Variants in BCAS3 observed in about 807,000 individuals in gnomAD.
The protein encoded by BCAS3 is BCAS3 microtubule associated cell migration factor, also known as BCAS4/BCAS3 fusion.
Under a neutral mutation model 116.1 loss-of-function variants are expected in BCAS3, and 53 were observed. The observed-to-expected ratio is 0.46, with a 90% CI of 0.37 to 0.57. The LOEUF (loss-of-function observed/expected upper bound fraction) is 0.57, where lower values mean the gene tolerates loss of function less well. Ranked by LOEUF, BCAS3 falls within the 20% of genes least tolerant of loss-of-function variation. The pLI, the probability that BCAS3 is intolerant of heterozygous loss-of-function variation, is 0.00. For synonymous variants in BCAS3, 391 were observed against 408.2 expected (o/e 0.96, Z 0.51); for missense variants, 917 against 1,165.4 (o/e 0.79, Z 3.10).
chr17:60,847,876 T>C (rs529575976), intron 7 of BCAS3, among the ~76,000 whole-genome samples: 1 of 152,368 alleles, frequency 6.6e-6, no homozygotes, highest in East Asian at 1.9e-4. Flanking sequence ...CATTCATTTG[T>C]TGCTTATACT....
intron 22 of BCAS3, among the ~76,000 whole-genome samples, chr17:61,185,729 C>T (rs1348446351): frequency 6.6e-6 from 1 of 152,100 alleles, no homozygotes; most frequent in African/African-American, 2.4e-5. Flanking sequence ...AAAAGCATGT[C>T]AAAGCATCTT....
rs1049618753 is a variant in BCAS3, at chr17:61,348,881, T to C, written c.2426-19446T>C. ...CATTCTCCTGCCTCAGCTTCCCGAG[T>C]AGCTGGGACTACAGGCGCCCACCGC... On this transcript the variant is annotated intron_variant, in intron 22 of 23. Transcript: ENST00000407086. This position sits in a 1 kb window ranked among gnomAD's most constrained non-coding sequence, Gnocchi z 4.5. Among the ~76,000 whole-genome samples the C allele has an allele frequency of 7.9e-5, 12 of 151,014 alleles. No homozygotes were observed. Among genetic ancestry groups the C allele is most frequent in the African/African-American group, 2.9e-4 (12 of 41,034 alleles).
chr17:60,947,119 TCCCA>T, intron 13 of BCAS3, 96 bp from the exon 14 acceptor site: 1 of 1,208,746 alleles, frequency 8.3e-7, no homozygotes, highest in Non-Finnish European at 1.2e-6. Flanking sequence ...GTAATTTTTT[TCCCA>T]TTGGTAATAT....
At chr17:61,031,772 T>C (rs868011547) in intron 16 of BCAS3, among the ~76,000 whole-genome samples, 1 of 151,944 alleles carries the variant, frequency 6.6e-6, no homozygotes, top group African/African-American at 2.4e-5. Context: ...AAACACAGAC[T>C]TTTACTAATG....
At chr17:61,321,145 T>C (rs2055180009) in intron 22 of BCAS3, among the ~76,000 whole-genome samples, 1 of 152,208 alleles carries the variant, frequency 6.6e-6, no homozygotes, top group South Asian at 2.1e-4. Flanking sequence ...TAATGAGATT[T>C]ACAAACATAA....
rs773332794 is a variant in BCAS3, at chr17:61,118,855, T to C, written c.2425+34291T>C. 3.3e-5 allele frequency among the ~76,000 whole-genome samples: 5 copies of C among 152,152 alleles called. No individual in the cohort carries two copies. The highest frequency in any genetic ancestry group is 4.8e-5 in the African/African-American group (2 of 41,438). ...CTGGTGCTGATATTTGAAATAGATA[T>C]TGTTTTTTGCCTAATCTGGTTTTTT... On this transcript the variant is annotated intron_variant, in intron 22 of 23. Coordinates refer to ENST00000407086, the MANE Select transcript of BCAS3 (RefSeq NM_017679.5). This position sits in a 1 kb window ranked among gnomAD's most constrained non-coding sequence, Gnocchi z 5.0.
intron 14 of BCAS3, among the ~76,000 whole-genome samples, chr17:60,986,139 C>T (rs1033865634): frequency 1.3e-5 from 2 of 152,192 alleles, no homozygotes; most frequent in Admixed American, 6.5e-5. Flanking sequence ...ACCTCCAGTT[C>T]TGTCCATGTT....
At chr17:60,732,611 C>T (rs952961270) in intron 5 of BCAS3, among the ~76,000 whole-genome samples, 2 of 152,038 alleles carry the variant, frequency 1.3e-5, no homozygotes, top group Admixed American at 6.6e-5. Flanking sequence ...GAGGCTGAGG[C>T]GGGCAGATCA....
At chr17:61,101,096 G>A (rs918117926) in intron 22 of BCAS3, among the ~76,000 whole-genome samples, 1 of 151,910 alleles carries the variant, frequency 6.6e-6, no homozygotes, top group African/African-American at 2.4e-5. Context: ...ATATACTGTT[G>A]TATCATAGAG....
rs1336594582 is a variant in BCAS3, at chr17:60,867,748, G to A, written c.477-828G>A. Among the ~76,000 whole-genome samples the A allele has an allele frequency of 2.6e-5, 4 of 152,018 alleles. No individual in the cohort carries two copies. In the East Asian group the frequency reaches 7.7e-4, roughly 29 times the overall value. Reference sequence around the variant, plus strand: ...TTTTTAGCAAATAATGACAGCTTTAGTTTCTCCTTATAGTAATTACTTTTC... The same window carrying A: ...TTTTTAGCAAATAATGACAGCTTTAATTTCTCCTTATAGTAATTACTTTTC... On this transcript the variant is annotated intron_variant, in intron 7 of 23. Coordinates refer to ENST00000407086, the MANE Select transcript of BCAS3 (RefSeq NM_017679.5).
At chr17:60,863,597 T>TA (rs2054339083) in intron 7 of BCAS3, among the ~76,000 whole-genome samples, 1 of 151,750 alleles carries the variant, frequency 6.6e-6, no homozygotes, top group Non-Finnish European at 1.5e-5. Flanking sequence ...TAAAATAAAA[T>TA]AAAAAAATTA....
chr17:60,955,475 A>ACTGCCTGGTTCAAGCGATTCTC (rs1219472587), intron 14 of BCAS3, among the ~76,000 whole-genome samples: 1 of 148,384 alleles, frequency 6.7e-6, no homozygotes, highest in Non-Finnish European at 1.5e-5. Context: ...CAACCTCCCG[A>ACTGCCTGGTTCAAGCGATTCTC]CTGCCTGGTT....
chr17:61,216,350 A>G (rs1333061198), intron 22 of BCAS3, among the ~76,000 whole-genome samples: 1 of 152,142 alleles, frequency 6.6e-6, no homozygotes. Context: ...TCTTAAGTCT[A>G]CAAGGTACTG....
chr17:60,765,765 G>A, intron 6 of BCAS3, among the ~76,000 whole-genome samples: 1 of 152,130 alleles, frequency 6.6e-6, no homozygotes, highest in East Asian at 1.9e-4. Context: ...GAGTTCTCCT[G>A]GATAATATCC....
rs560617962 is a variant in BCAS3, at chr17:61,204,846, G to A, written c.2425+120282G>A. 8.7e-4 allele frequency among the ~76,000 whole-genome samples: 133 copies of A among 152,262 alleles called. No individual in the cohort carries two copies. The highest frequency in any genetic ancestry group is 2.9e-3 in the African/African-American group (121 of 41,534). ...GCACGCAGATCAGTTGAGGCCAGGA[G>A]TTCGAGACCAGCCTGGGCAACAGGG... is the stretch of plus-strand genomic sequence containing the variant. On this transcript the variant is annotated intron_variant, in intron 22 of 23. Transcript: ENST00000407086. This position sits in a 1 kb window ranked among gnomAD's most constrained non-coding sequence, Gnocchi z 4.2.
At chr17:61,168,212 A>G (rs1212014457) in intron 22 of BCAS3, among the ~76,000 whole-genome samples, 1 of 151,582 alleles carries the variant, frequency 6.6e-6, no homozygotes, top group Non-Finnish European at 1.5e-5. Context: ...CTTTTTTTCT[A>G]CCCTTCCACA....
In BCAS3 at chr17:61,222,364, C is replaced by A. The variant is rs2082155944; in HGVS notation, c.2425+137800C>A. 6.6e-6 allele frequency among the ~76,000 whole-genome samples: 1 copy of A among 152,130 alleles called. No homozygotes were observed. Among genetic ancestry groups the A allele is most frequent in the African/African-American group, 2.4e-5 (1 of 41,420 alleles). ...CTAATGAGTATGGTCTTGGTGTGGT[C>A]CTTCCTTTCTGGAGGCCTCAGTTTT... On this transcript the variant is annotated intron_variant, in intron 22 of 23. Transcript: ENST00000407086. This position sits in a 1 kb window ranked among gnomAD's most constrained non-coding sequence, Gnocchi z 6.1.
chr17:61,270,276 C>A (rs369997709), intron 22 of BCAS3, among the ~76,000 whole-genome samples: 189 of 151,650 alleles, frequency 1.2e-3, no homozygotes, highest in African/African-American at 4.3e-3. Context: ...CCCGCCACCG[C>A]GCCTGGCTAA....
chr17:60,840,314 T>A (rs1414247518), intron 7 of BCAS3, among the ~76,000 whole-genome samples: 1 of 152,228 alleles, frequency 6.6e-6, no homozygotes, highest in African/African-American at 2.4e-5. Context: ...GGTATTTAAA[T>A]TTTAAAGATG....
Sources: gnomAD v4.1 joint callset for allele counts (sites outside exome capture counted in the v4.1 genomes callset) on GRCh38, gnomAD v4.1.1 for gene constraint, Gnocchi (gnomAD v3.1) non-coding constraint, MANE v1.5 for transcripts, NCBI Gene and HGNC (gene_info 2026-07-23, HGNC 2026-07-21) for gene names.